Variants in ZBTB16 observed in about 807,000 individuals in gnomAD.
ZBTB16 encodes the protein zinc finger and BTB domain containing 16.
A neutral mutation model predicts 56.8 loss-of-function variants in ZBTB16; 8 were observed. That is an observed-to-expected ratio of 0.14 (90% confidence interval 0.08 to 0.25). The LOEUF is 0.25. ZBTB16 is among the 10% of genes least tolerant of loss of function. ZBTB16 has a pLI of 1.00. For missense variants in ZBTB16, 625 were observed against 903.0 expected (o/e 0.69, Z 3.95); for synonymous variants, 363 against 368.5 (o/e 0.98, Z 0.17).
chr11:114,222,240 T>C (rs1200626775), intron 4 of ZBTB16, among the ~76,000 whole-genome samples: 1 of 151,402 alleles, frequency 6.6e-6, no homozygotes, highest in Non-Finnish European at 1.5e-5. Flanking sequence ...AAGCCCACAA[T>C]TACTTTAACC....
rs542653870 is a variant in ZBTB16, at chr11:114,179,403, A to G, written c.1367-7549A>G. ...AGTGTGCTGTTCTCCGTCTGATAAGAGGTACTGTAAATAAAACTGTACACC... is the reference window on the plus strand; with the variant it reads ...AGTGTGCTGTTCTCCGTCTGATAAGGGGTACTGTAAATAAAACTGTACACC... On this transcript the variant is annotated intron_variant, in intron 3 of 6. Coordinates refer to ENST00000335953, the MANE Select transcript of ZBTB16 (RefSeq NM_006006.6). Among the ~76,000 whole-genome samples, 189 of 152,260 alleles carry G rather than the reference A, an allele frequency of 1.2e-3. 2 individuals carry two copies. The highest frequency in any genetic ancestry group is 2.4e-3 in the Non-Finnish European group (162 of 68,030).
intron 2 of ZBTB16, among the ~76,000 whole-genome samples, chr11:114,120,260 G>A (rs1941303667): frequency 6.6e-6 from 1 of 152,160 alleles, no homozygotes; most frequent in South Asian, 2.1e-4. Context: ...GGTTCTCTCA[G>A]AACCACTCCA....
intron 6 of ZBTB16, among the ~76,000 whole-genome samples, chr11:114,249,811 G>A (rs1290294292): frequency 7.0e-6 from 1 of 142,776 alleles, no homozygotes; most frequent in African/African-American, 2.6e-5. Context: ...CAGGATAGGT[G>A]TCCCCAGGTG....
rs1232386500 is a variant in ZBTB16 at position 114,064,731 on chromosome 11, G to T, written c.1268+163G>T. Among the ~76,000 whole-genome samples, 3 of 152,176 alleles carry T rather than the reference G, an allele frequency of 2.0e-5. No homozygotes were observed. Among genetic ancestry groups the T allele is most frequent in the Admixed American group, 2.0e-4 (3 of 15,290 alleles). On this transcript the variant is annotated intron_variant, in intron 2 of 6. Transcript: ENST00000335953. This position sits in a 1 kb window ranked among gnomAD's most constrained non-coding sequence, Gnocchi z 4.2. Reference sequence around the variant, plus strand: ...AAAGTTCTGGCGGGGAGGGGAGCAGGTTTTTTAAAGTGTAGTGAGGGGGCC... The same window carrying T: ...AAAGTTCTGGCGGGGAGGGGAGCAGTTTTTTTAAAGTGTAGTGAGGGGGCC...
chr11:114,254,219 G>C lies in ZBTB16; in HGVS notation c.*3664G>C, dbSNP rs1944963323. On this transcript the variant is annotated 3_prime_UTR_variant, in exon 7 of 7. Transcript: ENST00000335953. ...TATAGCAAGAGATTGATATAAAATA[G>C]TAAATATCATTGCTGCTTTGGGCTG... 6.6e-6 allele frequency among the ~76,000 whole-genome samples: 1 copy of C among 151,854 alleles called. No individual in the cohort carries two copies. Among genetic ancestry groups the C allele is most frequent in the Admixed American group, 6.6e-5 (1 of 15,232 alleles).
chr11:114,194,738 GCACACCCCCA>G (rs1943569975), intron 4 of ZBTB16, among the ~76,000 whole-genome samples: 1 of 152,156 alleles, frequency 6.6e-6, no homozygotes, highest in African/African-American at 2.4e-5. Context: ...ACGTGCACGT[GCACACCCCCA>G]TGCACACCCA....
At chr11:114,247,481 G>A in intron 6 of ZBTB16, 116 bp downstream of exon 6, 1 of 1,446,154 alleles carries the variant, frequency 6.9e-7, no homozygotes, top group Non-Finnish European at 9.5e-7. Flanking sequence ...TCAAAGAGTA[G>A]AAGAGGTTCT....
At chr11:114,162,147 T>G (rs1380522934) in intron 3 of ZBTB16, among the ~76,000 whole-genome samples, 1 of 152,260 alleles carries the variant, frequency 6.6e-6, no homozygotes. Flanking sequence ...GCTTATCACC[T>G]GGGACCTGGG....
intron 4 of ZBTB16, among the ~76,000 whole-genome samples, chr11:114,206,090 CAGAA>C (rs1480710269): frequency 6.6e-6 from 1 of 152,196 alleles, no homozygotes; most frequent in Non-Finnish European, 1.5e-5. Flanking sequence ...GGCTGCTACT[CAGAA>C]AGAGGACTTG....
intron 2 of ZBTB16, among the ~76,000 whole-genome samples, chr11:114,093,956 G>A (rs1456014012): frequency 6.6e-6 from 1 of 152,174 alleles, no homozygotes; most frequent in African/African-American, 2.4e-5. Context: ...TAGTGACAAC[G>A]TCATTGGTTC....
rs144286225 is a variant in ZBTB16, at chr11:114,230,794, G to A, written c.1454-11373G>A. On this transcript the variant is annotated intron_variant, in intron 4 of 6. Coordinates refer to ENST00000335953, the MANE Select transcript of ZBTB16 (RefSeq NM_006006.6). ...ATGGCGCTGAAACAATCAGTATTTCGTTTTATTTTGAATTTCTGTCTCGCC... is the reference window on the plus strand; with the variant it reads ...ATGGCGCTGAAACAATCAGTATTTCATTTTATTTTGAATTTCTGTCTCGCC... Among the ~76,000 whole-genome samples the A allele has an allele frequency of 3.5e-3, 530 of 152,058 alleles. 1 individual carries two copies. The highest frequency in any genetic ancestry group is 0.012 in the African/African-American group (505 of 41,482).
intron 2 of ZBTB16, among the ~76,000 whole-genome samples, chr11:114,072,363 G>T (rs1939379290): frequency 1.3e-5 from 2 of 152,322 alleles, no homozygotes; most frequent in Middle Eastern, 3.4e-3. Context: ...ATTTAGCCGG[G>T]CAGCGCTCCA....
intron 3 of ZBTB16, 52 bp from the exon 4 acceptor site, chr11:114,186,900 C>T (rs1220771996): frequency 1.8e-5 from 28 of 1,578,620 alleles, no homozygotes; most frequent in South Asian, 3.3e-5. Flanking sequence ...AGGACCTCCC[C>T]GCTCACCAGT....
At chr11:114,156,518 G>A in intron 3 of ZBTB16, 84 bp downstream of exon 3, 2 of 1,324,552 alleles carry the variant, frequency 1.5e-6, no homozygotes, top group Non-Finnish European at 2.2e-6. Flanking sequence ...GCCTGCTGTG[G>A]CCTGCATGTC....
At chr11:114,121,105 C>G (rs1369129173) in intron 2 of ZBTB16, among the ~76,000 whole-genome samples, 1 of 152,204 alleles carries the variant, frequency 6.6e-6, no homozygotes, top group Non-Finnish European at 1.5e-5. Flanking sequence ...CCTTAGGTAT[C>G]AAACTGGGTT....
At position 114,250,112 on chromosome 11, in the gene ZBTB16, A is replaced by G. The variant is rs1944891983; in HGVS notation, c.1793-214A>G. On this transcript the variant is annotated intron_variant, in intron 6 of 6. Coordinates refer to ENST00000335953, the MANE Select transcript of ZBTB16 (RefSeq NM_006006.6). This position sits in a 1 kb window ranked among gnomAD's most constrained non-coding sequence, Gnocchi z 6.0. ...ATTAGTTACAATGAAATAAAATTAG[A>G]AAACTGTAGAGCTGCAGTCGCACCA... Among the ~76,000 whole-genome samples the G allele has an allele frequency of 6.6e-6, 1 of 152,216 alleles. No individual in the cohort carries two copies. The highest frequency in any genetic ancestry group is 1.9e-4 in the East Asian group (1 of 5,202).
rs983811303 is a variant in ZBTB16 at position 114,064,190 on chromosome 11, A to G, written c.890A>G (p.Tyr297Cys). The G allele has an allele frequency of 3.1e-6, 5 of 1,613,814 alleles. No homozygotes were observed. Among genetic ancestry groups the G allele is most frequent in the Non-Finnish European group, 4.2e-6 (5 of 1,180,022 alleles). The stretch of plus-strand genomic sequence containing the variant: ...ATCACCAGTGCTAGGGAGCTACACT[A>G]TGGGCGAGAGGAGAGTGCCGAGCAG... ...SVITSARELH[Y>C]GREESAEQVP... Residue 297 changes from tyrosine (Y) to cysteine (C), a missense_variant, in exon 2 of 7, where the codon TAT becomes TGT. Coordinates refer to ENST00000335953, the MANE Select transcript of ZBTB16 (RefSeq NM_006006.6). The surrounding 1 kb of genome is among the most constrained non-coding windows in gnomAD (Gnocchi z 4.2).
chr11:114,112,523 T>A (rs752076322), intron 2 of ZBTB16, among the ~76,000 whole-genome samples: 4 of 152,040 alleles, frequency 2.6e-5, no homozygotes, highest in Non-Finnish European at 4.4e-5. Context: ...AAAGATTGAT[T>A]TTTCTTCCTG....
intron 2 of ZBTB16, among the ~76,000 whole-genome samples, chr11:114,072,644 C>T (rs942955012): frequency 6.6e-6 from 1 of 152,164 alleles, no homozygotes; most frequent in African/African-American, 2.4e-5. Context: ...GTGCTAAGTG[C>T]ACTCACAGCC....
Sources: gnomAD v4.1 joint callset for allele counts (sites outside exome capture counted in the v4.1 genomes callset) on GRCh38, gnomAD v4.1.1 for gene constraint, Gnocchi (gnomAD v3.1) non-coding constraint, MANE v1.5 for transcripts, NCBI Gene and HGNC (gene_info 2026-07-23, HGNC 2026-07-21) for gene names.